The following RAP1GAP2 variants were observed in gnomAD, a reference collection of about 807,000 sequenced individuals.
RAP1GAP2 encodes the protein rap1 GTPase-activating protein 2.
RAP1GAP2 carries 27 observed loss-of-function variants against 95.0 expected under a neutral mutation model. That is an observed-to-expected ratio of 0.28 (90% CI 0.21 to 0.39). The LOEUF (loss-of-function observed/expected upper bound fraction) is 0.39, where lower values mean the gene tolerates loss of function less well. Ranked by LOEUF, RAP1GAP2 falls within the 10% of genes least tolerant of loss-of-function variation. The pLI is 1.00. For synonymous variants in RAP1GAP2, 373 were observed against 380.9 expected (o/e 0.98, Z 0.24); for missense variants, 771 against 970.0 (o/e 0.79, Z 2.72).
At chr17:2,853,686 G>C (rs1465484155) in intron 2 of RAP1GAP2, among the ~76,000 whole-genome samples, 1 of 147,130 alleles carries the variant, frequency 6.8e-6, no homozygotes. Flanking sequence ...GTCCCGGCGC[G>C]GGCGGCGCGT....
intron 2 of RAP1GAP2, among the ~76,000 whole-genome samples, chr17:2,895,224 G>A (rs1362397364): frequency 6.6e-6 from 1 of 152,226 alleles, no homozygotes; most frequent in Non-Finnish European, 1.5e-5. Flanking sequence ...GACTGTTACA[G>A]TGAAGACCAC....
intron 2 of RAP1GAP2, among the ~76,000 whole-genome samples, chr17:2,839,808 AT>A (rs1166015334): frequency 6.6e-6 from 1 of 151,638 alleles, no homozygotes; most frequent in African/African-American, 2.4e-5. Flanking sequence ...TCTTTTTTTA[AT>A]TTTTTTTGAG....
chr17:2,825,986 T>C lies in RAP1GAP2; in HGVS notation c.80+25436T>C, dbSNP rs1219791018. ...TCTTTTTTCTTTCTTTCTTTCTGTT[T>C]TTTTTTTTTTTTGAGACGGAGTCTT... On this transcript the variant is annotated intron_variant, in intron 2 of 24. Transcript: ENST00000254695. This position sits in a 1 kb window ranked among gnomAD's most constrained non-coding sequence, Gnocchi z 4.1. Among the ~76,000 whole-genome samples the C allele has an allele frequency of 2.0e-5, 1 of 50,282 alleles. No individual in the cohort carries two copies. Among genetic ancestry groups the C allele is most frequent in the Non-Finnish European group, 5.6e-5 (1 of 17,858 alleles). 33.0% of individuals were successfully genotyped at this position (50,282 alleles called of 152,430 possible).
At chr17:2,815,770 C>A (rs939524975) in intron 2 of RAP1GAP2, among the ~76,000 whole-genome samples, 4 of 152,172 alleles carry the variant, frequency 2.6e-5, no homozygotes, top group Non-Finnish European at 1.5e-5. Flanking sequence ...GCGCGAGCCA[C>A]CGCACCCGGC....
chr17:2,846,475 A>G (rs937573373), intron 2 of RAP1GAP2, among the ~76,000 whole-genome samples: 3 of 151,878 alleles, frequency 2.0e-5, no homozygotes, highest in East Asian at 1.9e-4. Context: ...CAGTGGTGCA[A>G]TCTCGGCTCA....
intron 12 of RAP1GAP2, 31 bp from the exon 13 acceptor site, chr17:2,995,306 C>T: frequency 6.2e-7 from 1 of 1,608,434 alleles, no homozygotes. Flanking sequence ...ACTCTCTTTT[C>T]TCCCCATCTC....
At chr17:2,933,856 G>A (rs1172374870) in intron 3 of RAP1GAP2, among the ~76,000 whole-genome samples, 1 of 152,282 alleles carries the variant, frequency 6.6e-6, no homozygotes. Flanking sequence ...ATCAGGACCA[G>A]GAGCTCGGCC....
chr17:2,762,343 A>G (rs942835690), intron 1 of RAP1GAP2, among the ~76,000 whole-genome samples: 3 of 150,796 alleles, frequency 2.0e-5, no homozygotes, highest in Admixed American at 6.6e-5. Context: ...GCCCATGTTT[A>G]AATTGTGTTA....
At chr17:3,000,390 C>T (rs895591781) in intron 14 of RAP1GAP2, among the ~76,000 whole-genome samples, 16 of 151,788 alleles carry the variant, frequency 1.1e-4, no homozygotes, top group South Asian at 8.3e-4. Flanking sequence ...GAATGGGGCT[C>T]GTGGAGGTAA....
intron 3 of RAP1GAP2, among the ~76,000 whole-genome samples, chr17:2,911,047 G>A (rs529622439): frequency 6.6e-6 from 1 of 152,228 alleles, no homozygotes; most frequent in African/African-American, 2.4e-5. Context: ...TCAAGTGCTC[G>A]GCTCATCTCA....
Position 3,034,192 on chromosome 17 carries a change from C to T in RAP1GAP2, c.*831C>T, listed in dbSNP as rs2047408537. 6.3e-6 allele frequency: 1 copy of T among 159,570 alleles called. No homozygotes were observed. 9.9% of individuals were successfully genotyped at this position (159,570 alleles called of 1,614,324 possible). A position where few individuals can be genotyped will look rare whatever the true frequency, so the allele number is the denominator to read the frequency against. ...GGGGCAGCCCCGAGGCAGTCTCTTC[C>T]CTTTGAGAAGATATTTTCCCACAAA... On this transcript the variant is annotated 3_prime_UTR_variant, in exon 25 of 25. Transcript: ENST00000254695. This position sits in a 1 kb window ranked among gnomAD's most constrained non-coding sequence, Gnocchi z 5.1.
chr17:2,958,007 G>A (rs2044184149), intron 4 of RAP1GAP2, among the ~76,000 whole-genome samples: 1 of 152,272 alleles, frequency 6.6e-6, no homozygotes, highest in African/African-American at 2.4e-5. Context: ...GGGACAGGGA[G>A]GATAAAAGCA....
intron 2 of RAP1GAP2, among the ~76,000 whole-genome samples, chr17:2,887,395 A>G (rs2073538985): frequency 1.4e-5 from 2 of 143,954 alleles, no homozygotes; most frequent in Admixed American, 7.1e-5. Context: ...TTTTTTTAAG[A>G]TGGAGTTTCG....
intron 18 of RAP1GAP2, 140 bp from the exon 19 acceptor site, chr17:3,020,337 A>C (rs1597891241): frequency 2.9e-6 from 2 of 681,658 alleles, no homozygotes; most frequent in African/African-American, 3.6e-5. Context: ...AGTTACATAG[A>C]TCTCAACCTT....
chr17:2,854,252 C>A, intron 2 of RAP1GAP2: 1 of 730,188 alleles, frequency 1.4e-6, no homozygotes, highest in African/African-American at 1.9e-5. Context: ...GAGTTCGGAG[C>A]TTCGCCCCGG....
At position 2,963,204 on chromosome 17, in the gene RAP1GAP2, G is replaced by A. The variant is rs1597733808; in HGVS notation, c.247-226G>A. The A allele has an allele frequency of 1.5e-5, 9 of 615,214 alleles. No homozygotes were observed. In the South Asian group the frequency reaches 1.7e-4, roughly 12 times the overall value. The allele number at this position is 615,214 out of a possible 1,614,324, so 38.1% of individuals were successfully genotyped here. Reference sequence around the variant, plus strand: ...GAGGGGTGAGAAGTTCAGCACCTTCGGACACTGCATCATCAGCTGGCAGGG... The same window carrying A: ...GAGGGGTGAGAAGTTCAGCACCTTCAGACACTGCATCATCAGCTGGCAGGG... On this transcript the variant is annotated intron_variant, in intron 5 of 24. Coordinates refer to ENST00000254695, the MANE Select transcript of RAP1GAP2 (RefSeq NM_015085.5). The surrounding 1 kb of genome is among the most constrained non-coding windows in gnomAD (Gnocchi z 4.8).
chr17:2,774,409 G>A (rs2068452592), upstream of RAP1GAP2, among the ~76,000 whole-genome samples: 1 of 151,610 alleles, frequency 6.6e-6, no homozygotes, highest in Non-Finnish European at 1.5e-5. Flanking sequence ...CAGCTGAGCA[G>A]TTGTATTTCT....
chr17:2,801,839 CTT>C (rs1255417298), intron 2 of RAP1GAP2, among the ~76,000 whole-genome samples: 1 of 152,162 alleles, frequency 6.6e-6, no homozygotes, highest in African/African-American at 2.4e-5. Flanking sequence ...TCTGACCTCT[CTT>C]CCCTCACCAC....
chr17:3,014,532 T>A (rs1456203020), intron 17 of RAP1GAP2, among the ~76,000 whole-genome samples: 1 of 145,210 alleles, frequency 6.9e-6, no homozygotes, highest in African/African-American at 2.6e-5. Flanking sequence ...ACCAAGAGAA[T>A]GTAAAGATGC....
Sources: allele counts gnomAD v4.1 joint callset (sites outside exome capture counted in the v4.1 genomes callset), GRCh38; gene constraint gnomAD v4.1.1; non-coding constraint Gnocchi (gnomAD v3.1); transcripts MANE v1.5; gene names NCBI Gene and HGNC (gene_info 2026-07-23, HGNC 2026-07-21).